NFATC3: variants seen among roughly 807,000 people sequenced by gnomAD.
NFATC3 encodes nuclear factor of activated T cells 3.
A neutral mutation model predicts 98.6 loss-of-function variants in NFATC3; 46 were observed. That is an observed-to-expected ratio of 0.47 (90% CI 0.37 to 0.60). The LOEUF is 0.60. NFATC3 is among the 20% of genes least tolerant of loss of function. NFATC3 has a pLI of 0.00. For synonymous variants in NFATC3, 512 were observed against 472.2 expected, an observed-to-expected ratio of 1.08 and a Z score of -1.09; for missense variants, 1,256 against 1,295.5, an observed-to-expected ratio of 0.97 and a Z score of 0.47.
In NFATC3 at chr16:68,187,095, A is replaced by G. The variant is rs553148197; in HGVS notation, c.2099-3673A>G. 8.5e-5 allele frequency among the ~76,000 whole-genome samples: 13 copies of G among 152,366 alleles called. No homozygotes were observed. The East Asian group carries it at 2.3e-3, about 27-fold the overall frequency. ...GTGTGAGTGAGTGAGCGTGGGGTCCAGCCACTGCTCACAGCCAGGCACGCT... is the reference window on the plus strand; with the variant it reads ...GTGTGAGTGAGTGAGCGTGGGGTCCGGCCACTGCTCACAGCCAGGCACGCT... On this transcript the variant is annotated intron_variant, in intron 8 of 9. Transcript: ENST00000346183.
intron 3 of NFATC3, among the ~76,000 whole-genome samples, chr16:68,136,864 C>T (rs2037441979): frequency 6.6e-6 from 1 of 151,978 alleles, no homozygotes; most frequent in East Asian, 1.9e-4. Flanking sequence ...GAGCTTGTCT[C>T]TTAAAAAACA....
At chr16:68,176,059 A>G (rs1469905812) in intron 6 of NFATC3, among the ~76,000 whole-genome samples, 1 of 149,406 alleles carries the variant, frequency 6.7e-6, no homozygotes, top group Non-Finnish European at 1.5e-5. Flanking sequence ...GCTCACTGCA[A>G]CCTCCACCTC....
rs146143804 is a variant in NFATC3, at chr16:68,126,125, C to A, written c.1239-323C>A. 2.6e-3 allele frequency among the ~76,000 whole-genome samples: 393 copies of A among 152,284 alleles called. 2 individuals carry two copies. Among genetic ancestry groups the A allele is most frequent in the African/African-American group, 9.0e-3 (374 of 41,574 alleles). On this transcript the variant is annotated intron_variant, in intron 2 of 9. Transcript: ENST00000346183. ...TCTCGAACTCCTGACCTCAGGTAAT[C>A]TGCCCACCTCGGCCTCCCAAAGTGC...
intron 9 of NFATC3, among the ~76,000 whole-genome samples, chr16:68,207,867 C>T (rs772833676): frequency 6.6e-6 from 1 of 152,120 alleles, no homozygotes; most frequent in Non-Finnish European, 1.5e-5. Flanking sequence ...ATACCCTTGC[C>T]AACACATGTT....
intron 1 of NFATC3, among the ~76,000 whole-genome samples, chr16:68,117,632 C>T (rs2036353242): frequency 6.6e-6 from 1 of 152,186 alleles, no homozygotes; most frequent in Non-Finnish European, 1.5e-5. Context: ...CTCAGCCTCT[C>T]AGGTAGCTGG....
At chr16:68,161,721 G>C (rs970010027) in intron 4 of NFATC3, among the ~76,000 whole-genome samples, 1 of 151,936 alleles carries the variant, frequency 6.6e-6, no homozygotes, top group African/African-American at 2.4e-5. Context: ...TTACTTCCTA[G>C]TGTTTTAAAA....
Position 68,183,431 on chromosome 16 carries a change from G to C in NFATC3, c.2098+65G>C. The C allele has an allele frequency of 3.2e-6, 5 of 1,557,706 alleles. No individual in the cohort carries two copies. In the South Asian group the frequency reaches 3.4e-5, roughly 11 times the overall value. ...CCTAATGAATAAAAAGTTATTTAAC[G>C]AATCCTATATTACAGTGTTTAAGGT... On this transcript the variant is annotated intron_variant, in intron 8 of 9. Coordinates refer to ENST00000346183, the MANE Select transcript of NFATC3 (RefSeq NM_173165.3).
chr16:68,142,185 G>C (rs1030835304), intron 3 of NFATC3, among the ~76,000 whole-genome samples: 1 of 152,074 alleles, frequency 6.6e-6, no homozygotes, highest in Non-Finnish European at 1.5e-5. Flanking sequence ...TCATTTTCAC[G>C]ATACTGAGTC....
intron 9 of NFATC3, among the ~76,000 whole-genome samples, chr16:68,208,564 T>C (rs1034785922): frequency 5.3e-5 from 8 of 152,090 alleles, no homozygotes; most frequent in Admixed American, 2.0e-4. Context: ...ACTCTGTCTC[T>C]ACTAAAAATA....
In NFATC3 at chr16:68,085,558, C is replaced by T. The variant is rs995542594; in HGVS notation, c.-124C>T. On this transcript the variant is annotated 5_prime_UTR_variant, in exon 1 of 10. Coordinates refer to ENST00000346183, the MANE Select transcript of NFATC3 (RefSeq NM_173165.3). ...CGCGGGCCCCGCCCGGAAAGTTTGC[C>T]GTGGAGTCGCGACCTCTTGGCCCGC... The T allele has an allele frequency of 2.5e-6, 2 of 784,922 alleles. No homozygotes were observed. Among genetic ancestry groups the T allele is most frequent in the East Asian group, 3.4e-5 (1 of 29,448 alleles). The allele number at this position is 784,922 out of a possible 1,614,324, so 48.6% of individuals were successfully genotyped here.
intron 1 of NFATC3, among the ~76,000 whole-genome samples, chr16:68,094,886 C>T (rs949166333): frequency 1.3e-5 from 2 of 152,108 alleles, no homozygotes; most frequent in Admixed American, 6.5e-5. Context: ...TTAAGAGTGA[C>T]GAAGGACTTT....
In NFATC3 at chr16:68,085,464, G is replaced by T. The variant is rs1275311282; in HGVS notation, c.-218G>T. The T allele has an allele frequency of 6.7e-6, 3 of 450,276 alleles. No individual in the cohort carries two copies. Among genetic ancestry groups the T allele is most frequent in the Non-Finnish European group, 1.2e-5 (3 of 254,114 alleles). 27.9% of individuals were successfully genotyped at this position (450,276 alleles called of 1,614,324 possible). A position where few individuals can be genotyped will look rare whatever the true frequency, so the allele number is the denominator to read the frequency against. On this transcript the variant is annotated 5_prime_UTR_variant, in exon 1 of 10. Coordinates refer to ENST00000346183, the MANE Select transcript of NFATC3 (RefSeq NM_173165.3). ...GCCGACAGTGGAGGCTTAGGCACCG[G>T]TGGCGGGCGGCTGCGGTTCCTGGTG...
chr16:68,133,554 T>A (rs1014379598), intron 3 of NFATC3, among the ~76,000 whole-genome samples: 5 of 152,178 alleles, frequency 3.3e-5, no homozygotes, highest in Admixed American at 2.6e-4. Flanking sequence ...ATGTAGAATA[T>A]TTTAAGCACT....
chr16:68,190,836 C>T lies in NFATC3; in HGVS notation c.2167C>T (p.Pro723Ser). Residue 723 changes from proline to serine, a missense_variant, in exon 9 of 10, where the codon CCT (proline) becomes TCT (serine). Pro to Ser is a moderately conservative substitution (Grantham distance 74). This residue lies in a region of NFATC3 where 636 missense variants were observed against 617.3 expected (regional missense o/e 1.03). Coordinates refer to ENST00000346183, the MANE Select transcript of NFATC3 (RefSeq NM_173165.3). ...SSVPSLPVPH[P>S]AQTQRPSSDS... ...AGTTCCATCTTTGCCTGTGCCTCAT[C>T]CTGCTCAGACCCAGAGGCCTTCCTC... The T allele has an allele frequency of 6.2e-7, 1 of 1,614,144 alleles. No individual in the cohort carries two copies. The highest frequency in any genetic ancestry group is 8.5e-7 in the Non-Finnish European group (1 of 1,180,016).
intron 9 of NFATC3, among the ~76,000 whole-genome samples, chr16:68,207,108 G>A (rs527689271): frequency 6.7e-6 from 1 of 149,122 alleles, no homozygotes; most frequent in African/African-American, 2.5e-5. Context: ...TCAGGAGTTC[G>A]AGACCAGCCT....
intron 5 of NFATC3, among the ~76,000 whole-genome samples, chr16:68,173,714 TA>T (rs1315706789): frequency 6.6e-6 from 1 of 152,258 alleles, no homozygotes; most frequent in Non-Finnish European, 1.5e-5. Flanking sequence ...ATTAGATTTA[TA>T]GATTTTAACG....
intron 1 of NFATC3, among the ~76,000 whole-genome samples, chr16:68,111,825 T>C (rs1360856560): frequency 6.6e-6 from 1 of 152,228 alleles, no homozygotes; most frequent in Non-Finnish European, 1.5e-5. Context: ...CTGGTGGTGC[T>C]GAATTCCCTC....
At chr16:68,094,235 G>A (rs2034887079) in intron 1 of NFATC3, among the ~76,000 whole-genome samples, 2 of 152,114 alleles carry the variant, frequency 1.3e-5, no homozygotes, top group South Asian at 2.1e-4. Flanking sequence ...CCCCCTCTCC[G>A]CCCATGTTGT....
At chr16:68,219,986 G>T (rs1205953551) in intron 9 of NFATC3, among the ~76,000 whole-genome samples, 2 of 152,226 alleles carry the variant, frequency 1.3e-5, no homozygotes, top group Non-Finnish European at 1.5e-5. Context: ...TAGCATTCCA[G>T]TGGACTGCCA....
Sources: gnomAD v4.1 joint callset for allele counts (sites outside exome capture counted in the v4.1 genomes callset) on GRCh38, gnomAD v4.1.1 for gene constraint, gnomAD v4.1.1 regional missense constraint, MANE v1.5 for transcripts, NCBI Gene and HGNC (gene_info 2026-07-23, HGNC 2026-07-21) for gene names.